Variants in SAMD12 observed in about 807,000 individuals in gnomAD.
SAMD12 encodes the protein sterile alpha motif domain containing 12, also known as sterile alpha motif domain-containing protein 12.
A neutral mutation model predicts 15.0 loss-of-function variants in SAMD12; 9 were observed. The ratio of observed to expected loss-of-function variants is 0.60; its 90% CI spans 0.36 to 1.05. The LOEUF is 1.05. SAMD12 is among the 50% of genes least tolerant of loss of function. The pLI is 0.01. For synonymous variants in SAMD12, 86 were observed against 90.1 expected, an observed-to-expected ratio of 0.96 and a Z score of 0.25; for missense variants, 230 against 234.2, an observed-to-expected ratio of 0.98 and a Z score of 0.12.
intron 4 of SAMD12, among the ~76,000 whole-genome samples, chr8:118,259,413 C>T (rs185944912): frequency 1.2e-3 from 178 of 152,148 alleles, no homozygotes; most frequent in Non-Finnish European, 2.3e-3. Flanking sequence ...GTGCCAATGG[C>T]ATCTTGTGGG....
chr8:118,132,970 GTGTATATATATA>G, the SAMD12 span, among the ~76,000 whole-genome samples: 2,356 of 66,474 alleles, frequency 0.035, 35 homozygotes, highest in African/African-American at 0.057. Context: ...ATGTGTGTGT[GTGTATATATATA>G]TATATATATA....
intron 4 of SAMD12, among the ~76,000 whole-genome samples, chr8:118,271,119 A>G (rs1813346070): frequency 6.6e-6 from 1 of 152,168 alleles, no homozygotes; most frequent in African/African-American, 2.4e-5. Flanking sequence ...TCATGCTGCT[A>G]ATTGATACTG....
intron 2 of SAMD12, among the ~76,000 whole-genome samples, chr8:118,484,702 A>G (rs572966943): frequency 6.6e-6 from 1 of 152,294 alleles, no homozygotes; most frequent in African/African-American, 2.4e-5. Flanking sequence ...TGATTTCCTA[A>G]GGAGCCTTAC....
intron 4 of SAMD12, among the ~76,000 whole-genome samples, chr8:118,256,928 A>T (rs1812955063): frequency 1.3e-5 from 2 of 151,708 alleles, no homozygotes; most frequent in Admixed American, 1.3e-4. Flanking sequence ...CAACTGTAAC[A>T]CTCCTGTTTT....
chr8:118,232,421 A>G (rs1296122106), intron 4 of SAMD12, among the ~76,000 whole-genome samples: 2 of 152,146 alleles, frequency 1.3e-5, no homozygotes, highest in Non-Finnish European at 2.9e-5. Context: ...AACATGGGGT[A>G]TTTGAGGACA....
chr8:118,165,635 T>TATATGTGTATATATATATATATAC, the SAMD12 span, among the ~76,000 whole-genome samples: 7 of 129,420 alleles, frequency 5.4e-5, no homozygotes, highest in African/African-American at 2.0e-4. Flanking sequence ...TATATATATA[T>TATATGTGTATATATATATATATAC]ACATATATAT....
intron 2 of SAMD12, among the ~76,000 whole-genome samples, chr8:118,473,695 C>G (rs1476964589): frequency 1.8e-4 from 28 of 152,166 alleles, no homozygotes; most frequent in Admixed American, 1.8e-3. Context: ...CATCATGCAC[C>G]TTCACGCACA....
At chr8:118,488,334 C>A (rs939591388) in intron 2 of SAMD12, among the ~76,000 whole-genome samples, 44 of 152,048 alleles carry the variant, frequency 2.9e-4, no homozygotes, top group African/African-American at 1.0e-3. Flanking sequence ...AGACTCAGAA[C>A]CACCATATAC....
chr8:118,379,284 C>T lies in SAMD12; in HGVS notation c.*133G>A, dbSNP rs144238167. 126 of 1,441,180 alleles carry T rather than the reference C, an allele frequency of 8.7e-5. No homozygotes were observed. In the African/African-American group the frequency reaches 1.7e-3, roughly 20 times the overall value. The allele number at this position is 1,441,180 out of a possible 1,614,324, so 89.3% of individuals were successfully genotyped here. A position where few individuals can be genotyped will look rare whatever the true frequency, so the allele number is the denominator to read the frequency against. Reference sequence around the variant, plus strand: ...GTGACTGGTATTCTCTGGGGTTGTGCAGTACACAATCCATACAACTGTACG... The same window carrying T: ...GTGACTGGTATTCTCTGGGGTTGTGTAGTACACAATCCATACAACTGTACG... On this transcript the variant is annotated 3_prime_UTR_variant, in exon 4 of 4. Coordinates refer to ENST00000314727, the MANE Select transcript of SAMD12 (RefSeq NM_207506.3).
At chr8:118,218,319 A>G (rs1191667223) in intron 4 of SAMD12, among the ~76,000 whole-genome samples, 2 of 152,132 alleles carry the variant, frequency 1.3e-5, no homozygotes, top group Admixed American at 1.3e-4. Flanking sequence ...TGATATATAT[A>G]TAATTGTGAG....
intron 2 of SAMD12, among the ~76,000 whole-genome samples, chr8:118,533,512 G>A (rs1241963349): frequency 2.6e-5 from 4 of 152,090 alleles, no homozygotes; most frequent in African/African-American, 7.2e-5. Context: ...TTTCTGTCTC[G>A]TTGATCTGTC....
intron 2 of SAMD12, among the ~76,000 whole-genome samples, chr8:118,482,296 C>A (rs1358483864): frequency 6.6e-6 from 1 of 152,128 alleles, no homozygotes; most frequent in East Asian, 1.9e-4. Context: ...GTTACAGAGA[C>A]TTTTTGAAGG....
chr8:118,606,918 T>C (rs1259747321), intron 1 of SAMD12, among the ~76,000 whole-genome samples: 1 of 152,186 alleles, frequency 6.6e-6, no homozygotes, highest in East Asian at 1.9e-4. Flanking sequence ...TTCTGTTGTT[T>C]CACTTGAATC....
intron 2 of SAMD12, among the ~76,000 whole-genome samples, chr8:118,491,309 C>T (rs917519606): frequency 1.3e-5 from 2 of 152,156 alleles, no homozygotes; most frequent in Non-Finnish European, 1.5e-5. Flanking sequence ...ATCTAACATC[C>T]TTTAGGTGTT....
In SAMD12 at chr8:118,459,194, T is replaced by TAGCG. The variant is rs527567244; in HGVS notation, c.193-19237_193-19234dup. ...GATTCTCCTGCCTCAACCTCCTGAG[T>TAGCG]AGCGGGGATTACAGGTGCCTGCTAC... On this transcript the variant is annotated intron_variant, in intron 2 of 3. Transcript: ENST00000314727. Among the ~76,000 whole-genome samples, 130 of 152,086 alleles carry TAGCG rather than the reference T, an allele frequency of 8.5e-4. 2 individuals are homozygous for TAGCG. Among genetic ancestry groups the TAGCG allele is most frequent in the African/African-American group, 3.0e-3 (125 of 41,502 alleles).
chr8:118,407,885 A>G (rs927173514), intron 3 of SAMD12, among the ~76,000 whole-genome samples: 1 of 152,098 alleles, frequency 6.6e-6, no homozygotes, highest in Non-Finnish European at 1.5e-5. Context: ...CCTACTCTCT[A>G]TCATACAAAT....
chr8:118,422,940 C>T (rs902203782), intron 3 of SAMD12, among the ~76,000 whole-genome samples: 1 of 152,176 alleles, frequency 6.6e-6, no homozygotes, highest in Non-Finnish European at 1.5e-5. Flanking sequence ...AGTTAGGTCA[C>T]TGGCCTTGGG....
intron 3 of SAMD12, among the ~76,000 whole-genome samples, chr8:118,431,749 T>G (rs1222371626): frequency 6.6e-6 from 1 of 151,664 alleles, no homozygotes. Context: ...GTAGTTCAAA[T>G]ATTTATCCTG....
chr8:118,207,071 T>C (rs1320880791), intron 4 of SAMD12, among the ~76,000 whole-genome samples: 1 of 152,244 alleles, frequency 6.6e-6, no homozygotes, highest in South Asian at 2.1e-4. Flanking sequence ...CAGGATATTG[T>C]TCTCTAATGA....
Sources: gnomAD v4.1 joint callset for allele counts (sites outside exome capture counted in the v4.1 genomes callset) on GRCh38, gnomAD v4.1.1 for gene constraint, MANE v1.5 for transcripts, NCBI Gene and HGNC (gene_info 2026-07-23, HGNC 2026-07-21) for gene names.